MDGA2: variants seen among roughly 807,000 people sequenced by gnomAD.
MDGA2 encodes the protein MAM domain-containing glycosylphosphatidylinositol anchor protein 2.
In MDGA2, 40 loss-of-function variants were observed where a neutral mutation model predicts 117.8. That is an observed-to-expected ratio of 0.34 (90% CI 0.26 to 0.44). MDGA2 has a LOEUF of 0.44. Among genes scored for constraint, MDGA2 ranks in the 20% least tolerant of loss-of-function variants. The pLI is 1.00. For missense variants in MDGA2, 1,123 were observed against 1,250.6 expected (o/e 0.90, Z 1.54); for synonymous variants, 452 against 439.0 (o/e 1.03, Z -0.37).
chr14:47,493,841 T>A (rs1294430115), intron 1 of MDGA2, among the ~76,000 whole-genome samples: 2 of 152,212 alleles, frequency 1.3e-5, no homozygotes, highest in African/African-American at 2.4e-5. Context: ...AGAAAGTCAT[T>A]CTAGCAGTCA....
At chr14:47,065,477 C>G (rs1190692767) in intron 6 of MDGA2, among the ~76,000 whole-genome samples, 1 of 152,158 alleles carries the variant, frequency 6.6e-6, no homozygotes, top group East Asian at 1.9e-4. Context: ...TTATGTAAAA[C>G]TAGATTACAT....
chr14:47,410,550 T>A (rs549780782), intron 1 of MDGA2, among the ~76,000 whole-genome samples: 8 of 152,280 alleles, frequency 5.3e-5, no homozygotes, highest in African/African-American at 1.9e-4. Context: ...ATAGCAACTA[T>A]AATCACTTAC....
At chr14:47,026,919 C>A (rs1888493834) in intron 8 of MDGA2, among the ~76,000 whole-genome samples, 1 of 152,066 alleles carries the variant, frequency 6.6e-6, no homozygotes, top group East Asian at 1.9e-4. Flanking sequence ...CACCTTCAAT[C>A]CCAGCACTTG....
chr14:47,664,047 G>A (rs1301106143), intron 1 of MDGA2, among the ~76,000 whole-genome samples: 1 of 152,128 alleles, frequency 6.6e-6, no homozygotes, highest in Non-Finnish European at 1.5e-5. Context: ...GCTCTCAAAT[G>A]AGGGGGAGGA....
At chr14:47,297,467 G>T (rs1160138645) in intron 2 of MDGA2, among the ~76,000 whole-genome samples, 2 of 137,248 alleles carry the variant, frequency 1.5e-5, no homozygotes, top group Non-Finnish European at 3.2e-5. Flanking sequence ...GTGGAGGGGA[G>T]TGAAGGGAAG....
At chr14:47,092,099 G>A (rs1388216826) in intron 6 of MDGA2, among the ~76,000 whole-genome samples, 1 of 152,186 alleles carries the variant, frequency 6.6e-6, no homozygotes, top group African/African-American at 2.4e-5. Context: ...AGGGGCTACA[G>A]TGGAAAGAAT....
intron 13 of MDGA2, chr14:46,873,807 T>TC (rs1882114321): frequency 1.7e-6 from 1 of 579,984 alleles, no homozygotes. Context: ...TATAAAAAGT[T>TC]GAAATTTAGA....
chr14:47,029,202 GTAAC>G (rs1015500520), intron 8 of MDGA2, among the ~76,000 whole-genome samples: 14 of 151,998 alleles, frequency 9.2e-5, no homozygotes, highest in Non-Finnish European at 2.9e-5. Context: ...TAGATTAAAA[GTAAC>G]TAGCATACTC....
chr14:47,610,055 T>G (rs1312494130), intron 1 of MDGA2, among the ~76,000 whole-genome samples: 1 of 151,862 alleles, frequency 6.6e-6, no homozygotes, highest in Non-Finnish European at 1.5e-5. Flanking sequence ...ATAAACAGAA[T>G]TAAAAACAAA....
chr14:47,529,790 A>G (rs1191862609), intron 1 of MDGA2, among the ~76,000 whole-genome samples: 1 of 152,244 alleles, frequency 6.6e-6, no homozygotes, highest in Non-Finnish European at 1.5e-5. Context: ...GCCGTTATGC[A>G]TGTCACAGTT....
chr14:47,457,714 TA>T (rs1566466701), intron 1 of MDGA2, among the ~76,000 whole-genome samples: 1 of 152,032 alleles, frequency 6.6e-6, no homozygotes, highest in Admixed American at 6.6e-5. Context: ...TTTCCTTTTT[TA>T]AAAAAATCTT....
intron 3 of MDGA2, 57 bp from the exon 4 acceptor site, chr14:47,144,331 T>A: frequency 7.3e-7 from 1 of 1,370,602 alleles, no homozygotes; most frequent in Non-Finnish European, 9.9e-7. Flanking sequence ...ACTTTTAAAG[T>A]ATTGTGCTTA....
At chr14:46,985,383 T>C (rs1294573335) in intron 8 of MDGA2, among the ~76,000 whole-genome samples, 2 of 152,096 alleles carry the variant, frequency 1.3e-5, no homozygotes, top group Non-Finnish European at 1.5e-5. Flanking sequence ...TAGGAGTCTG[T>C]TGAAAAGAAC....
At chr14:47,409,978 T>G (rs911840391) in intron 1 of MDGA2, among the ~76,000 whole-genome samples, 2 of 152,188 alleles carry the variant, frequency 1.3e-5, no homozygotes, top group Non-Finnish European at 2.9e-5. Context: ...GATAACTGAT[T>G]TCTGCTCCAT....
At chr14:47,389,606 C>A (rs58481235) in intron 1 of MDGA2, among the ~76,000 whole-genome samples, 16 of 96,480 alleles carry the variant, frequency 1.7e-4, no homozygotes, top group African/African-American at 2.7e-4. Flanking sequence ...ACACACACAC[C>A]CACACACACA....
chr14:47,002,064 G>T (rs928861858), intron 8 of MDGA2, among the ~76,000 whole-genome samples: 9 of 152,124 alleles, frequency 5.9e-5, no homozygotes, highest in Non-Finnish European at 1.2e-4. Flanking sequence ...GCTGGGAATG[G>T]AGAGGTGCTG....
At chr14:47,235,888 C>T (rs1594744473) in intron 2 of MDGA2, among the ~76,000 whole-genome samples, 1 of 152,130 alleles carries the variant, frequency 6.6e-6, no homozygotes, top group Non-Finnish European at 1.5e-5. Context: ...CCAGTGGCTG[C>T]TCAGGAAGCC....
At chr14:47,347,274 A>C (rs1890781503) in intron 1 of MDGA2, among the ~76,000 whole-genome samples, 1 of 152,202 alleles carries the variant, frequency 6.6e-6, no homozygotes, top group Non-Finnish European at 1.5e-5. Context: ...AGAACGTGTT[A>C]AGAATGGATT....
intron 6 of MDGA2, among the ~76,000 whole-genome samples, chr14:47,069,470 G>C (rs1335751155): frequency 6.6e-6 from 1 of 152,080 alleles, no homozygotes. Context: ...CAGTTCATTT[G>C]AGTTCTATCT....
Sources: allele counts gnomAD v4.1 joint callset (sites outside exome capture counted in the v4.1 genomes callset), GRCh38; gene constraint gnomAD v4.1.1; transcripts MANE v1.5; gene names NCBI Gene and HGNC (gene_info 2026-07-23, HGNC 2026-07-21).